Variants in PCDHGA9 observed in about 807,000 individuals in gnomAD.
PCDHGA9 encodes protocadherin gamma subfamily A, 9.
Under a neutral mutation model 62.5 loss-of-function variants are expected in PCDHGA9, and 37 were observed. The ratio of observed to expected loss-of-function variants is 0.59; its 90% CI spans 0.46 to 0.78. PCDHGA9 has a LOEUF of 0.78. Among genes scored for constraint, PCDHGA9 ranks in the 30% least tolerant of loss-of-function variants. The probability of loss-of-function intolerance (pLI) is 0.00; values close to 1 mark genes in which losing one functional copy is unlikely to be tolerated. For missense variants in PCDHGA9, 1,138 were observed against 1,166.2 expected, an observed-to-expected ratio of 0.98 and a Z score of 0.35; for synonymous variants, 459 against 484.6, an observed-to-expected ratio of 0.95 and a Z score of 0.69.
intron 1 of PCDHGA9, chr5:141,430,740 A>C (rs1485485180): frequency 5.3e-6 from 8 of 1,497,664 alleles, no homozygotes; most frequent in Non-Finnish European, 7.1e-6. Context: ...AATTGAAAAT[A>C]ATTCTGGAGG....
At chr5:141,453,379 C>T (rs980792532) in intron 1 of PCDHGA9, among the ~76,000 whole-genome samples, 1 of 152,050 alleles carries the variant, frequency 6.6e-6, no homozygotes, top group Non-Finnish European at 1.5e-5. Context: ...AGTGATCCTC[C>T]TGCCTTAGCC....
At chr5:141,473,039 A>G (rs1593411714) in intron 1 of PCDHGA9, among the ~76,000 whole-genome samples, 1 of 152,016 alleles carries the variant, frequency 6.6e-6, no homozygotes, top group East Asian at 1.9e-4. Context: ...GGAAGGAAAG[A>G]AAGAAAGAAG....
chr5:141,505,243 G>A (rs2099844728), intron 2 of PCDHGA9, 150 bp from the exon 3 acceptor site: 1 of 1,424,622 alleles, frequency 7.0e-7, no homozygotes, highest in Non-Finnish European at 9.4e-7. Flanking sequence ...CTGAAGGATT[G>A]TAGAAGTGCC....
chr5:141,430,577 C>A, intron 1 of PCDHGA9: 1 of 464,652 alleles, frequency 2.2e-6, no homozygotes. Context: ...AAGCGGAGAT[C>A]CTGCTCGCCT....
At chr5:141,457,677 T>C (rs1386991642) in intron 1 of PCDHGA9, among the ~76,000 whole-genome samples, 1 of 152,262 alleles carries the variant, frequency 6.6e-6, no homozygotes, top group Non-Finnish European at 1.5e-5. Flanking sequence ...TATTTCTACA[T>C]AGGACTTTTG....
intron 1 of PCDHGA9, chr5:141,418,665 A>G: frequency 6.2e-7 from 1 of 1,614,070 alleles, no homozygotes; most frequent in Middle Eastern, 1.6e-4. Flanking sequence ...GCCACTGACC[A>G]GGACGAGGGC....
chr5:141,413,559 T>A, intron 1 of PCDHGA9: 1 of 1,613,862 alleles, frequency 6.2e-7, no homozygotes. Flanking sequence ...TAGAAGTAAC[T>A]GATATCAATG....
Position 141,432,878 on chromosome 5 carries a change from TTCGTCA to T in PCDHGA9, c.2424+27505_2424+27510del. 6.2e-7 allele frequency: 1 copy of T among 1,614,178 alleles called. No individual in the cohort carries two copies. The highest frequency in any genetic ancestry group is 1.7e-5 in the Admixed American group (1 of 60,036). Reference sequence around the variant, plus strand: ...CGCGGTCTCCTGCGTCTTCCTGGCCTTCGTCATCTTGCTGCTGGCGCTCAGGCTGCG... The same window carrying T: ...CGCGGTCTCCTGCGTCTTCCTGGCCTTCTTGCTGCTGGCGCTCAGGCTGCG... On this transcript the variant is annotated intron_variant, in intron 1 of 3. Transcript: ENST00000573521. This position sits in a 1 kb window ranked among gnomAD's most constrained non-coding sequence, Gnocchi z 6.0.
chr5:141,503,608 A>AAAAAAAG (rs1483073868), intron 2 of PCDHGA9, among the ~76,000 whole-genome samples: 1 of 151,994 alleles, frequency 6.6e-6, no homozygotes, highest in East Asian at 1.9e-4. Flanking sequence ...CAAAAAAAAA[A>AAAAAAAG]AAAAAAGAAA....
intron 1 of PCDHGA9, chr5:141,413,078 C>A: frequency 7.7e-7 from 1 of 1,301,148 alleles, no homozygotes; most frequent in Non-Finnish European, 1.1e-6. Flanking sequence ...AGTGCCCAGG[C>A]TACAGAGACA....
chr5:141,479,003 C>T (rs2099485569), intron 1 of PCDHGA9, among the ~76,000 whole-genome samples: 1 of 152,176 alleles, frequency 6.6e-6, no homozygotes, highest in South Asian at 2.1e-4. Context: ...AAACTAATAG[C>T]TTTTTGATAA....
intron 1 of PCDHGA9, chr5:141,422,102 T>A: frequency 6.2e-7 from 1 of 1,609,526 alleles, no homozygotes; most frequent in Non-Finnish European, 8.5e-7. Context: ...GCTTCTGAAA[T>A]ATTCCAATTG....
intron 1 of PCDHGA9, chr5:141,478,809 C>G: frequency 6.9e-7 from 1 of 1,453,454 alleles, no homozygotes; most frequent in Non-Finnish European, 9.0e-7. Flanking sequence ...CTTTTGCTAT[C>G]ACAACTAACC....
In PCDHGA9 at chr5:141,494,027, G is replaced by A. The variant is rs77020157; in HGVS notation, c.2425-780G>A. 1.5e-4 allele frequency among the ~76,000 whole-genome samples: 23 copies of A among 152,298 alleles called. No homozygotes were observed. In the East Asian group the frequency reaches 3.3e-3, roughly 22 times the overall value. ...ACACATCAGCCCCTTGGGAGCCCTGGAGACTTAGTTGGCCCTGCTTGGAGG... is the reference window on the plus strand; with the variant it reads ...ACACATCAGCCCCTTGGGAGCCCTGAAGACTTAGTTGGCCCTGCTTGGAGG... On this transcript the variant is annotated intron_variant, in intron 1 of 3. Coordinates refer to ENST00000573521, the MANE Select transcript of PCDHGA9 (RefSeq NM_018921.3).
Position 141,432,236 on chromosome 5 carries a change from G to A in PCDHGA9, c.2424+26860G>A, listed in dbSNP as rs752735346. On this transcript the variant is annotated intron_variant, in intron 1 of 3. Coordinates refer to ENST00000573521, the MANE Select transcript of PCDHGA9 (RefSeq NM_018921.3). This position sits in a 1 kb window ranked among gnomAD's most constrained non-coding sequence, Gnocchi z 6.0. ...CGCCCAGATCACTTATTCCCTGGCT[G>A]AGAACACCATCCAAGGGGCAAGCCT... is the stretch of plus-strand genomic sequence containing the variant. The A allele has an allele frequency of 8.7e-6, 14 of 1,614,130 alleles. No individual in the cohort carries two copies. The African/African-American group carries it at 9.3e-5, about 11-fold the overall frequency.
intron 1 of PCDHGA9, chr5:141,409,000 C>CACTG: frequency 6.2e-7 from 1 of 1,613,950 alleles, no homozygotes; most frequent in Non-Finnish European, 8.5e-7. Flanking sequence ...AAGTGACAGC[C>CACTG]ACTGACCAGG....
rs1224189151 is a variant in PCDHGA9, at chr5:141,404,120, C to T, written c.1168C>T (p.Leu390=). 1.2e-6 allele frequency: 2 copies of T among 1,613,312 alleles called. No individual in the cohort carries two copies. Among genetic ancestry groups the T allele is most frequent in the East Asian group, 4.5e-5 (2 of 44,866 alleles). Residue 390 remains leucine, a synonymous_variant, in exon 1 of 4, where the codon CTA becomes TTA. Transcript: ENST00000573521. The stretch of plus-strand genomic sequence containing the variant: ...AGTTGTCTGTTCTATCCAGGAGAAT[C>T]TATCTTTTACATTAGAAAATTCAGA... ...GQVVCSIQEN[L]SFTLENSEED...
chr5:141,414,193 A>C, intron 1 of PCDHGA9: 1 of 1,610,884 alleles, frequency 6.2e-7, no homozygotes, highest in Admixed American at 1.7e-5. Context: ...AGTGTTGATT[A>C]CAGTAGAAGA....
chr5:141,458,249 GCT>G (rs1291613361), intron 1 of PCDHGA9, among the ~76,000 whole-genome samples: 1 of 152,136 alleles, frequency 6.6e-6, no homozygotes, highest in African/African-American at 2.4e-5. Flanking sequence ...AAATGATACG[GCT>G]CTGATGAGTG....
Sources: allele counts gnomAD v4.1 joint callset (sites outside exome capture counted in the v4.1 genomes callset), GRCh38; gene constraint gnomAD v4.1.1; non-coding constraint Gnocchi (gnomAD v3.1); transcripts MANE v1.5; gene names NCBI Gene and HGNC (gene_info 2026-07-23, HGNC 2026-07-21).